SLC2A13: variants seen among roughly 807,000 people sequenced by gnomAD.
SLC2A13 encodes the protein proton myo-inositol cotransporter.
SLC2A13 carries 32 observed loss-of-function variants against 64.4 expected under a neutral mutation model. That is an observed-to-expected ratio of 0.50 (90% CI 0.37 to 0.67). The LOEUF is 0.67. SLC2A13 is among the 30% of genes least tolerant of loss of function. SLC2A13 has a pLI of 0.00. For missense variants in SLC2A13, 743 were observed against 829.2 expected, an observed-to-expected ratio of 0.90 and a Z score of 1.28; for synonymous variants, 338 against 327.1, an observed-to-expected ratio of 1.03 and a Z score of -0.36.
At chr12:40,079,754 C>A (rs1328096489) in intron 1 of SLC2A13, among the ~76,000 whole-genome samples, 1 of 152,234 alleles carries the variant, frequency 6.6e-6, no homozygotes, top group African/African-American at 2.4e-5. Context: ...AGGTCTCTTA[C>A]AAACTTGTTT....
intron 1 of SLC2A13, among the ~76,000 whole-genome samples, chr12:40,090,617 T>C (rs1938736343): frequency 6.6e-6 from 1 of 152,218 alleles, no homozygotes; most frequent in Non-Finnish European, 1.5e-5. Flanking sequence ...GCATGTCATA[T>C]TTAGAAACTA....
At chr12:40,064,055 C>T (rs2136257254) in intron 1 of SLC2A13, among the ~76,000 whole-genome samples, 1 of 152,122 alleles carries the variant, frequency 6.6e-6, no homozygotes, top group African/African-American at 2.4e-5. Flanking sequence ...TCAGCCTGGG[C>T]AACACAGTAA....
chr12:39,872,557 A>G (rs1300509902), intron 4 of SLC2A13, among the ~76,000 whole-genome samples: 21 of 152,222 alleles, frequency 1.4e-4, no homozygotes, highest in Non-Finnish European at 2.9e-5. Flanking sequence ...TGGTGAGCTA[A>G]GTCTCTAGCA....
chr12:39,990,523 G>C (rs537847736), intron 3 of SLC2A13, among the ~76,000 whole-genome samples: 16 of 152,070 alleles, frequency 1.1e-4, no homozygotes, highest in East Asian at 1.9e-4. Context: ...TGTATTCTGG[G>C]GATAGTATCT....
rs1001064213 is a variant in SLC2A13, at chr12:39,837,925, C to A, written c.1320-7697G>T. 9.2e-3 allele frequency among the ~76,000 whole-genome samples: 1,388 copies of A among 151,086 alleles called. 24 individuals are homozygous for A. The highest frequency in any genetic ancestry group is 0.032 in the African/African-American group (1,313 of 41,114). ...AAACTAGTTCAACCATTGTGGAAGT[C>A]AGTGTGGCGATTCCTCAGGGATCTA... On this transcript the variant is annotated intron_variant, in intron 6 of 9. Transcript: ENST00000280871.
intron 8 of SLC2A13, 57 bp downstream of exon 8, chr12:39,764,676 TTATC>T (rs1249184290): frequency 1.3e-5 from 20 of 1,589,484 alleles, no homozygotes; most frequent in African/African-American, 1.1e-4. Flanking sequence ...AAATTATAGT[TTATC>T]TACTCCAAAA....
intron 4 of SLC2A13, among the ~76,000 whole-genome samples, chr12:39,888,311 G>A (rs1845962): frequency 0.72 from 109,267 of 152,096 alleles, 39,397 homozygotes; most frequent in South Asian, 0.77. Context: ...TGCAACCTCC[G>A]CTTCCCAGGT....
chr12:39,836,457 C>T (rs1943007238), intron 6 of SLC2A13, among the ~76,000 whole-genome samples: 2 of 152,018 alleles, frequency 1.3e-5, no homozygotes, highest in South Asian at 4.1e-4. Flanking sequence ...CTCACCACTC[C>T]TATTCAACAT....
At chr12:39,965,729 T>C (rs12318369) in intron 3 of SLC2A13, among the ~76,000 whole-genome samples, 2,411 of 152,200 alleles carry the variant, frequency 0.016, 57 homozygotes, top group African/African-American at 0.054. Context: ...GTTTGGCCTA[T>C]AAGGGTAATT....
chr12:40,042,148 T>C (rs1445467061), intron 2 of SLC2A13, among the ~76,000 whole-genome samples: 1 of 152,184 alleles, frequency 6.6e-6, no homozygotes, highest in Non-Finnish European at 1.5e-5. Context: ...ATTACATCAA[T>C]TAAATGATGA....
chr12:39,988,949 G>T (rs1234597136), intron 3 of SLC2A13, among the ~76,000 whole-genome samples: 1 of 152,058 alleles, frequency 6.6e-6, no homozygotes, highest in Non-Finnish European at 1.5e-5. Flanking sequence ...TAGGCCACCA[G>T]CATCTCTTTC....
At chr12:39,967,478 T>C (rs1183846483) in intron 3 of SLC2A13, among the ~76,000 whole-genome samples, 1 of 152,190 alleles carries the variant, frequency 6.6e-6, no homozygotes, top group African/African-American at 2.4e-5. Context: ...TGAATGAAAC[T>C]ATTCTAGCAA....
chr12:39,794,123 C>CAAAAAAAA (rs36179669), intron 7 of SLC2A13, among the ~76,000 whole-genome samples: 3 of 78,366 alleles, frequency 3.8e-5, no homozygotes, highest in East Asian at 4.3e-4. Context: ...GGCCAAATTG[C>CAAAAAAAA]AAAAAAAAAA....
At chr12:39,792,438 A>C (rs575028365) in intron 7 of SLC2A13, among the ~76,000 whole-genome samples, 1 of 152,296 alleles carries the variant, frequency 6.6e-6, no homozygotes, top group East Asian at 1.9e-4. Flanking sequence ...GTGAACAGGC[A>C]ACATTCTTTT....
chr12:40,076,405 G>GA (rs1938177327), intron 1 of SLC2A13, among the ~76,000 whole-genome samples: 1 of 152,120 alleles, frequency 6.6e-6, no homozygotes, highest in African/African-American at 2.4e-5. Context: ...GTGAGAACAT[G>GA]AAGTATCTGA....
intron 3 of SLC2A13, among the ~76,000 whole-genome samples, chr12:39,968,955 C>G (rs968436051): frequency 6.6e-6 from 1 of 151,978 alleles, no homozygotes; most frequent in Non-Finnish European, 1.5e-5. Flanking sequence ...CTCCTTCCCC[C>G]ACCCCACAAC....
intron 3 of SLC2A13, among the ~76,000 whole-genome samples, chr12:39,961,137 G>A (rs1297222941): frequency 6.6e-6 from 1 of 151,890 alleles, no homozygotes; most frequent in Non-Finnish European, 1.5e-5. Context: ...GAGTGCAGTG[G>A]CATGATCTTG....
chr12:39,938,686 CT>C (rs57069142), intron 4 of SLC2A13, among the ~76,000 whole-genome samples: 75,779 of 145,644 alleles, frequency 0.52, 20,547 homozygotes, highest in Non-Finnish European at 0.63. Flanking sequence ...GGATCATTGA[CT>C]TTTTTTTTTT....
intron 4 of SLC2A13, among the ~76,000 whole-genome samples, chr12:39,914,374 A>G (rs1258159114): frequency 1.3e-5 from 2 of 152,054 alleles, no homozygotes; most frequent in Non-Finnish European, 2.9e-5. Context: ...ACCCAGTAAA[A>G]CATGAGACAA....
Sources: gnomAD v4.1 joint callset for allele counts (sites outside exome capture counted in the v4.1 genomes callset) on GRCh38, gnomAD v4.1.1 for gene constraint, MANE v1.5 for transcripts, NCBI Gene and HGNC (gene_info 2026-07-23, HGNC 2026-07-21) for gene names.